PLOD1: variants seen among roughly 807,000 people sequenced by gnomAD.
PLOD1 encodes procollagen-lysine,2-oxoglutarate 5-dioxygenase 1.
In PLOD1, 70 loss-of-function variants were observed where a neutral mutation model predicts 94.7. The observed-to-expected ratio is 0.74, with a 90% CI of 0.61 to 0.90. The LOEUF is 0.90. Among genes scored for constraint, PLOD1 ranks in the 40% least tolerant of loss-of-function variants. The probability of loss-of-function intolerance (pLI) is 0.00; values close to 1 mark genes in which losing one functional copy is unlikely to be tolerated. For missense variants in PLOD1, 905 were observed against 972.7 expected (o/e 0.93, Z 0.93); for synonymous variants, 417 against 400.2 (o/e 1.04, Z -0.50).
chr1:11,936,951 G>A (rs6690517), intron 1 of PLOD1, among the ~76,000 whole-genome samples: 3 of 151,490 alleles, frequency 2.0e-5, no homozygotes. Context: ...AGGTTCAAGC[G>A]ATTCTCCTGC....
intron 14 of PLOD1, 55 bp downstream of exon 14, chr1:11,965,648 C>T: frequency 2.8e-6 from 3 of 1,061,160 alleles, no homozygotes; most frequent in Non-Finnish European, 4.4e-6. Context: ...AGTGATCCTG[C>T]AGTCGGAGGG....
intron 4 of PLOD1, among the ~76,000 whole-genome samples, chr1:11,951,456 C>T (rs1645700804): frequency 6.6e-6 from 1 of 151,730 alleles, no homozygotes; most frequent in Non-Finnish European, 1.5e-5. Flanking sequence ...ATCCCAGCTA[C>T]TTGGGAAGCT....
chr1:11,965,497 G>A lies in PLOD1; in HGVS notation c.1488G>A (p.Leu496=). 3 of 1,612,818 alleles carry A rather than the reference G, an allele frequency of 1.9e-6. No individual in the cohort carries two copies. Among genetic ancestry groups the A allele is most frequent in the Non-Finnish European group, 2.5e-6 (3 of 1,179,180 alleles). Residue 496 remains leucine, a synonymous_variant, in exon 14 of 19, where the codon CTG becomes CTA. Transcript: ENST00000196061. ...NIRQQDVFMF[L]TNRHTLGHLL... ...CTCCCCAGGATGTGTTCATGTTCCTGACCAACCGGCACACCCTTGGCCATC... is the reference window on the plus strand; with the variant it reads ...CTCCCCAGGATGTGTTCATGTTCCTAACCAACCGGCACACCCTTGGCCATC...
chr1:11,938,716 G>C (rs192343924), intron 1 of PLOD1, among the ~76,000 whole-genome samples: 2 of 152,144 alleles, frequency 1.3e-5, no homozygotes, highest in East Asian at 3.9e-4. Flanking sequence ...GAGTGAGATG[G>C]GTGGGGTGCT....
chr1:11,956,733 C>G (rs1227343483), intron 6 of PLOD1, among the ~76,000 whole-genome samples, 184 bp from the exon 7 acceptor site: 1 of 152,140 alleles, frequency 6.6e-6, no homozygotes, highest in Non-Finnish European at 1.5e-5. Context: ...AAATCCTCCC[C>G]CTCACCCCAT....
Position 11,957,952 on chromosome 1 carries a change from G to A in PLOD1, c.843+9G>A. 6.3e-7 allele frequency: 1 copy of A among 1,584,668 alleles called. No individual in the cohort carries two copies. The highest frequency in any genetic ancestry group is 8.7e-7 in the Non-Finnish European group (1 of 1,153,274). ...GCCTCAAGGGCATTGGGGTGAGGCT[G>A]CGCCCAGGCCTGTGCCTGAGGGACA... is the stretch of plus-strand genomic sequence containing the variant. On this transcript the variant is annotated intron_variant, in intron 8 of 18. Coordinates refer to ENST00000196061, the MANE Select transcript of PLOD1 (RefSeq NM_000302.4). The surrounding 1 kb of genome is among the most constrained non-coding windows in gnomAD (Gnocchi z 4.1).
rs1462422599 is a variant in PLOD1, at chr1:11,972,356, A to G, written c.1903-516A>G. On this transcript the variant is annotated intron_variant, in intron 17 of 18. Transcript: ENST00000196061. This position sits in a 1 kb window ranked among gnomAD's most constrained non-coding sequence, Gnocchi z 4.6. ...AATCTCCGCCTCCCAGATTCAAGCG[A>G]TTCTCCGGCCTCAGCCTCCCAAGTA... 1.3e-5 allele frequency: 2 copies of G among 159,124 alleles called. No individual in the cohort carries two copies. The highest frequency in any genetic ancestry group is 3.6e-4 in the East Asian group (2 of 5,560). 9.9% of individuals were successfully genotyped at this position (159,124 alleles called of 1,614,324 possible). A position where few individuals can be genotyped will look rare whatever the true frequency, so the allele number is the denominator to read the frequency against.
In PLOD1 at chr1:11,967,003, A is replaced by G. The variant is rs146360295; in HGVS notation, c.1667A>G (p.Tyr556Cys). 162 of 1,612,766 alleles carry G rather than the reference A, an allele frequency of 1.0e-4. No individual in the cohort carries two copies. The highest frequency in any genetic ancestry group is 3.1e-4 in the African/African-American group (23 of 74,986). Residue 556 changes from tyrosine to cysteine, a missense_variant, in exon 16 of 19, where the codon TAT becomes TGT. Physicochemically the swap from Tyr to Cys is radical, Grantham distance 194 (BLOSUM62 -2). Transcript: ENST00000196061. ...CCTCCCCAGCCCTGCCCGGATGTCT[A>G]TTGGTTCCCCATCTTCACGGAGGTG... ...KLVETPCPDV[Y>C]WFPIFTEVAC...
At chr1:11,965,371 C>T (rs530612852) in intron 13 of PLOD1, 109 bp from the exon 14 acceptor site, 13 of 694,428 alleles carry the variant, frequency 1.9e-5, no homozygotes, top group Admixed American at 1.3e-4. Flanking sequence ...AACTTCAGTT[C>T]GGCGGGTGGA....
At chr1:11,937,953 CT>C (rs796438993) in intron 1 of PLOD1, among the ~76,000 whole-genome samples, 5,362 of 121,992 alleles carry the variant, frequency 0.044, 125 homozygotes, top group African/African-American at 0.087. Context: ...TTTTCATTTT[CT>C]TTTTTTTTTT....
At position 11,958,930 on chromosome 1, in the gene PLOD1, C is replaced by T. The variant is rs1645758795; in HGVS notation, c.975+283C>T. On this transcript the variant is annotated intron_variant, in intron 9 of 18. Transcript: ENST00000196061. This position sits in a 1 kb window ranked among gnomAD's most constrained non-coding sequence, Gnocchi z 4.3. ...CTATAAAATAGGCATAAAAGTCGGG[C>T]GCGGTGGCTCATGCCTGTAATCCCA... 2.0e-5 allele frequency among the ~76,000 whole-genome samples: 3 copies of T among 152,126 alleles called. No individual in the cohort carries two copies. Among genetic ancestry groups the T allele is most frequent in the Admixed American group, 6.6e-5 (1 of 15,254 alleles).
At chr1:11,968,868 G>C (rs963825447) in intron 16 of PLOD1, among the ~76,000 whole-genome samples, 1 of 146,392 alleles carries the variant, frequency 6.8e-6, no homozygotes. Flanking sequence ...GTGAAGTGGA[G>C]CCTCGCTCTG....
At position 11,974,667 on chromosome 1, in the gene PLOD1, G is replaced by A; in HGVS notation, c.2043G>A (p.Arg681=). ...VGVDYEGGGC[R]FLRYNCSIRA... is the part of the protein sequence containing the mutation. ...CTGTCTCCCAGGGCGGGGGCTGTCGGTTCCTGCGCTACAACTGTTCCATCC... is the reference window on the plus strand; with the variant it reads ...CTGTCTCCCAGGGCGGGGGCTGTCGATTCCTGCGCTACAACTGTTCCATCC... Residue 681 remains arginine, a synonymous_variant, in exon 19 of 19, where the codon CGG becomes CGA. Coordinates refer to ENST00000196061, the MANE Select transcript of PLOD1 (RefSeq NM_000302.4). 6.2e-7 allele frequency: 1 copy of A among 1,613,770 alleles called. No homozygotes were observed. Among genetic ancestry groups the A allele is most frequent in the Non-Finnish European group, 8.5e-7 (1 of 1,179,816 alleles).
intron 1 of PLOD1, among the ~76,000 whole-genome samples, chr1:11,940,170 G>A (rs931753161): frequency 3.3e-5 from 5 of 152,080 alleles, no homozygotes; most frequent in Admixed American, 2.6e-4. Flanking sequence ...CTAGAGGTGC[G>A]TGCCACCATG....
intron 1 of PLOD1, among the ~76,000 whole-genome samples, chr1:11,947,422 T>C (rs1048843579): frequency 6.6e-6 from 1 of 151,826 alleles, no homozygotes; most frequent in Non-Finnish European, 1.5e-5. Context: ...ACATAAAAAT[T>C]AGCCAGGTGT....
In PLOD1 at chr1:11,954,907, A is replaced by T; in HGVS notation, c.643+14A>T. 1 of 1,602,930 alleles carries T rather than the reference A, an allele frequency of 6.2e-7. No homozygotes were observed. Among genetic ancestry groups the T allele is most frequent in the Non-Finnish European group, 8.5e-7 (1 of 1,169,946 alleles). ...ATGGAGCCTTGGGTGAGCAGCCCCC[A>T]CGGGGAGGGGTGGATCCTCAGAGGG... On this transcript the variant is annotated intron_variant, in intron 6 of 18. Coordinates refer to ENST00000196061, the MANE Select transcript of PLOD1 (RefSeq NM_000302.4).
At chr1:11,950,287 C>T in intron 3 of PLOD1, 70 bp from the exon 4 acceptor site, 1 of 1,471,884 alleles carries the variant, frequency 6.8e-7, no homozygotes, top group Non-Finnish European at 9.5e-7. Context: ...CCTGGTCCCT[C>T]CTGTCTGTGC....
chr1:11,938,846 A>C (rs1396552631), intron 1 of PLOD1, among the ~76,000 whole-genome samples: 1 of 152,172 alleles, frequency 6.6e-6, no homozygotes, highest in Non-Finnish European at 1.5e-5. Flanking sequence ...ACCTCACTTC[A>C]GTAGACACCC....
chr1:11,944,797 GGCTACCCCTGCCCCA>G lies in PLOD1; in HGVS notation c.77-3164_77-3150del, dbSNP rs1014943461. ...TGCCCTGGGGCCAGCTCCCTGCCCC[GGCTACCCCTGCCCCA>G]GCTACCCCTGCCCCGCCAGCTCTGG... On this transcript the variant is annotated intron_variant, in intron 1 of 18. Coordinates refer to ENST00000196061, the MANE Select transcript of PLOD1 (RefSeq NM_000302.4). 1.1e-4 allele frequency: 62 copies of G among 549,998 alleles called. 1 individual carries two copies. Among genetic ancestry groups the G allele is most frequent in the Middle Eastern group, 1.5e-3 (2 of 1,320 alleles). The allele number at this position is 549,998 out of a possible 1,614,324, so 34.1% of individuals were successfully genotyped here.
Sources: gnomAD v4.1 joint callset for allele counts (sites outside exome capture counted in the v4.1 genomes callset) on GRCh38, gnomAD v4.1.1 for gene constraint, Gnocchi (gnomAD v3.1) non-coding constraint, MANE v1.5 for transcripts, NCBI Gene and HGNC (gene_info 2026-07-23, HGNC 2026-07-21) for gene names.